The following MAML2 variants were observed in gnomAD, a reference collection of about 807,000 sequenced individuals.
MAML2 encodes the protein mastermind like transcriptional coactivator 2, also known as mastermind-like protein 2.
A neutral mutation model predicts 96.1 loss-of-function variants in MAML2; 22 were observed. The observed-to-expected ratio is 0.23, with a 90% confidence interval of 0.16 to 0.33. The LOEUF is 0.33. MAML2 is among the 10% of genes least tolerant of loss of function. The pLI, the probability that MAML2 is intolerant of heterozygous loss-of-function variation, is 1.00. For synonymous variants in MAML2, 561 were observed against 521.3 expected (o/e 1.08, Z -1.04); for missense variants, 1,367 against 1,392.4 (o/e 0.98, Z 0.29).
At chr11:96,291,194 C>A (rs542970588) in intron 1 of MAML2, among the ~76,000 whole-genome samples, 1 of 120,202 alleles carries the variant, frequency 8.3e-6, no homozygotes, top group East Asian at 2.9e-4. Flanking sequence ...GGCGCAATAT[C>A]GGTTCACTGT....
chr11:96,091,842 A>C (rs1859710821), intron 2 of MAML2, 50 bp downstream of exon 2: 1 of 1,569,180 alleles, frequency 6.4e-7, no homozygotes, highest in African/African-American at 1.4e-5. Context: ...CATAAAGATC[A>C]AGCTAAATGG....
chr11:96,122,526 G>A (rs1350866480), intron 1 of MAML2, among the ~76,000 whole-genome samples: 1 of 151,168 alleles, frequency 6.6e-6, no homozygotes, highest in African/African-American at 2.5e-5. Context: ...GTGTGTGTGT[G>A]TGTGCACGTG....
chr11:96,224,077 A>G (rs1482290313), intron 1 of MAML2, among the ~76,000 whole-genome samples: 2 of 152,184 alleles, frequency 1.3e-5, no homozygotes, highest in Admixed American at 6.5e-5. Context: ...GCCACTCACT[A>G]ACAGGGTGAC....
At chr11:96,015,801 A>G (rs1178910523) in intron 2 of MAML2, among the ~76,000 whole-genome samples, 1 of 152,190 alleles carries the variant, frequency 6.6e-6, no homozygotes, top group Non-Finnish European at 1.5e-5. Context: ...AAGGTATCTA[A>G]TGTTCTCATT....
rs546424515 is a variant in MAML2 at position 96,018,744 on chromosome 11, C to T, written c.2140-27021G>A. ...CCCAAGTGGCTGAGACTACAGGGAC[C>T]TGCCACCATGACTGGCTAATTTTTA... On this transcript the variant is annotated intron_variant, in intron 2 of 4. Coordinates refer to ENST00000524717, the MANE Select transcript of MAML2 (RefSeq NM_032427.4). Among the ~76,000 whole-genome samples, 4 of 152,224 alleles carry T rather than the reference C, an allele frequency of 2.6e-5. No individual in the cohort carries two copies. In the East Asian group the frequency reaches 5.8e-4, roughly 22 times the overall value.
chr11:95,991,041 T>G (rs2135709002), intron 3 of MAML2, among the ~76,000 whole-genome samples: 1 of 150,978 alleles, frequency 6.6e-6, no homozygotes, highest in African/African-American at 2.5e-5. Context: ...GGAAATGTAT[T>G]TTACATTTTC....
At chr11:96,104,180 A>T (rs79174462) in intron 1 of MAML2, among the ~76,000 whole-genome samples, 17,907 of 152,242 alleles carry the variant, frequency 0.12, 1,224 homozygotes, top group Middle Eastern at 0.21. Context: ...CTGTCTCCAC[A>T]TGTTATAAAA....
intron 1 of MAML2, among the ~76,000 whole-genome samples, chr11:96,295,860 A>G (rs1378810026): frequency 6.7e-6 from 1 of 149,952 alleles, no homozygotes; most frequent in Non-Finnish European, 1.5e-5. Flanking sequence ...TATAGGCTTC[A>G]TACACCCTAA....
At chr11:96,218,329 G>C (rs1195666066) in intron 1 of MAML2, among the ~76,000 whole-genome samples, 1 of 152,062 alleles carries the variant, frequency 6.6e-6, no homozygotes, top group Non-Finnish European at 1.5e-5. Context: ...ATGCATCCTC[G>C]GTGAACCCCA....
intron 1 of MAML2, among the ~76,000 whole-genome samples, chr11:96,284,482 C>CAATTGATA (rs1223636780): frequency 3.5e-4 from 53 of 152,266 alleles, no homozygotes; most frequent in Admixed American, 5.9e-4. Context: ...TGGTTCTCAA[C>CAATTGATA]ACTGAATTGA....
At chr11:96,324,354 G>A (rs565409285) in intron 1 of MAML2, among the ~76,000 whole-genome samples, 1 of 152,248 alleles carries the variant, frequency 6.6e-6, no homozygotes, top group South Asian at 2.1e-4. Context: ...TTAGAAGAGT[G>A]CCAAACATGA....
At chr11:96,198,955 T>C (rs138547544) in intron 1 of MAML2, among the ~76,000 whole-genome samples, 3,565 of 151,804 alleles carry the variant, frequency 0.023, 153 homozygotes, top group African/African-American at 0.082. Context: ...CCCAGCACTT[T>C]GGGAGGCCGA....
intron 1 of MAML2, among the ~76,000 whole-genome samples, chr11:96,232,539 G>A (rs972484508): frequency 5.3e-5 from 8 of 151,878 alleles, no homozygotes; most frequent in African/African-American, 1.7e-4. Flanking sequence ...GTGCGATCTC[G>A]GCTCACTGCA....
intron 1 of MAML2, among the ~76,000 whole-genome samples, chr11:96,123,179 C>T (rs1404059733): frequency 6.6e-6 from 1 of 152,196 alleles, no homozygotes; most frequent in Non-Finnish European, 1.5e-5. Flanking sequence ...CCCATCCTTC[C>T]ACACCATTGA....
intron 1 of MAML2, among the ~76,000 whole-genome samples, chr11:96,189,303 G>A (rs1861619693): frequency 6.6e-6 from 1 of 152,066 alleles, no homozygotes; most frequent in South Asian, 2.1e-4. Flanking sequence ...ATTTTGTATG[G>A]CACAAGTTTC....
intron 1 of MAML2, among the ~76,000 whole-genome samples, chr11:96,202,276 G>A (rs1347528803): frequency 1.3e-5 from 2 of 149,008 alleles, no homozygotes; most frequent in Admixed American, 1.3e-4. Context: ...GTGTGAACCC[G>A]GGAGGTGGAG....
At chr11:96,310,791 G>T (rs554514222) in intron 1 of MAML2, among the ~76,000 whole-genome samples, 1 of 152,110 alleles carries the variant, frequency 6.6e-6, no homozygotes, top group South Asian at 2.1e-4. Context: ...ACTCTTCTGC[G>T]TCCAGTGTTG....
chr11:96,016,786 A>G (rs530416035), intron 2 of MAML2, among the ~76,000 whole-genome samples: 97 of 152,338 alleles, frequency 6.4e-4, no homozygotes, highest in Non-Finnish European at 1.2e-3. Flanking sequence ...CCTAAAGACT[A>G]AACTTTCAAT....
At chr11:96,190,765 G>A (rs771423888) in intron 1 of MAML2, among the ~76,000 whole-genome samples, 6 of 152,192 alleles carry the variant, frequency 3.9e-5, no homozygotes, top group Admixed American at 6.5e-5. Context: ...CAGAATTGGA[G>A]AGAAGTGATC....
Sources: allele counts gnomAD v4.1 joint callset (sites outside exome capture counted in the v4.1 genomes callset), GRCh38; gene constraint gnomAD v4.1.1; transcripts MANE v1.5; gene names NCBI Gene and HGNC (gene_info 2026-07-23, HGNC 2026-07-21).